MYO5B: variants seen among roughly 807,000 people sequenced by gnomAD.
MYO5B encodes the protein unconventional myosin-Vb.
Under a neutral mutation model 229.3 loss-of-function variants are expected in MYO5B, and 143 were observed. The ratio of observed to expected loss-of-function variants is 0.62; its 90% CI spans 0.54 to 0.72. The LOEUF is 0.72. MYO5B is among the 30% of genes least tolerant of loss of function. The probability of loss-of-function intolerance (pLI) is 0.00; values close to 1 mark genes in which losing one functional copy is unlikely to be tolerated. For synonymous variants in MYO5B, 918 were observed against 885.2 expected (o/e 1.04, Z -0.66); for missense variants, 2,321 against 2,331.0 (o/e 1.00, Z 0.09).
At chr18:50,001,687 C>G (rs2026048989) in intron 4 of MYO5B, among the ~76,000 whole-genome samples, 1 of 152,188 alleles carries the variant, frequency 6.6e-6, no homozygotes, top group South Asian at 2.1e-4. Context: ...CGAGTTCCCA[C>G]TGGGTGCAGT....
chr18:49,907,054 A>G (rs78973859), intron 18 of MYO5B, among the ~76,000 whole-genome samples: 8,320 of 152,226 alleles, frequency 0.055, 585 homozygotes, highest in African/African-American at 0.16. Flanking sequence ...CAACCACAGA[A>G]AAGAAGGAAG....
intron 17 of MYO5B, among the ~76,000 whole-genome samples, chr18:49,928,042 G>A (rs1790776): frequency 0.8 from 121,136 of 151,784 alleles, 48,456 homozygotes; most frequent in East Asian, 0.95. Flanking sequence ...AAGTAGCACA[G>A]AAAAAAAACC....
chr18:50,184,520 T>C (rs2033119623), intron 1 of MYO5B, among the ~76,000 whole-genome samples: 1 of 152,154 alleles, frequency 6.6e-6, no homozygotes, highest in South Asian at 2.1e-4. Flanking sequence ...GCCAGGCAGC[T>C]TTGGGAAAGT....
chr18:49,841,034 G>C (rs1291309080), intron 35 of MYO5B, among the ~76,000 whole-genome samples: 1 of 152,342 alleles, frequency 6.6e-6, no homozygotes, highest in East Asian at 1.9e-4. Context: ...CTGCAGTGGG[G>C]CTTCTAGAGC....
At chr18:50,155,431 T>C (rs887971348) in intron 1 of MYO5B, among the ~76,000 whole-genome samples, 1 of 152,206 alleles carries the variant, frequency 6.6e-6, no homozygotes, top group South Asian at 2.1e-4. Context: ...TGGTAATCCT[T>C]GAGTAAAAGA....
intron 1 of MYO5B, among the ~76,000 whole-genome samples, chr18:50,121,426 A>G (rs1429641219): frequency 6.6e-6 from 1 of 152,246 alleles, no homozygotes; most frequent in East Asian, 1.9e-4. Context: ...TGTCTTTCTA[A>G]ACAAACTTAG....
rs139924389 is a variant in MYO5B, at chr18:50,046,717, C to T, written c.139-6403G>A. The stretch of plus-strand genomic sequence containing the variant: ...AGGTTGTTTTGTGCTATGTCCTAGA[C>T]AAGCACAAAAAAACACAAACAAGAT... On this transcript the variant is annotated intron_variant, in intron 2 of 39. Transcript: ENST00000285039. Among the ~76,000 whole-genome samples, 521 of 152,176 alleles carry T rather than the reference C, an allele frequency of 3.4e-3. 8 individuals are homozygous for T. Among genetic ancestry groups the T allele is most frequent in the Non-Finnish European group, 7.6e-4 (52 of 68,014 alleles).
chr18:49,874,948 T>TA (rs1179692463), intron 26 of MYO5B, among the ~76,000 whole-genome samples: 2 of 152,244 alleles, frequency 1.3e-5, no homozygotes, highest in South Asian at 2.1e-4. Flanking sequence ...TGTTATTTTT[T>TA]ACTTTTCACC....
chr18:49,848,989 G>C (rs996762970), intron 32 of MYO5B, among the ~76,000 whole-genome samples: 5 of 151,964 alleles, frequency 3.3e-5, no homozygotes, highest in Non-Finnish European at 7.4e-5. Context: ...TGAGCTGAGG[G>C]TGGAAGGATG....
At chr18:49,983,193 C>G (rs1390753889) in intron 8 of MYO5B, among the ~76,000 whole-genome samples, 2 of 152,198 alleles carry the variant, frequency 1.3e-5, no homozygotes, top group African/African-American at 4.8e-5. Context: ...AAACATTTCT[C>G]CTTTGCCTAC....
At chr18:50,121,968 TC>T (rs753226062) in intron 1 of MYO5B, among the ~76,000 whole-genome samples, 36 of 152,288 alleles carry the variant, frequency 2.4e-4, no homozygotes, top group Non-Finnish European at 3.7e-4. Flanking sequence ...TTTTCCTACT[TC>T]CAAGATTCAC....
chr18:49,891,928 C>T (rs182968646), intron 22 of MYO5B, among the ~76,000 whole-genome samples: 1 of 152,224 alleles, frequency 6.6e-6, no homozygotes, highest in Non-Finnish European at 1.5e-5. Flanking sequence ...CTCACAAGGA[C>T]CAGGGACCCC....
rs1450105049 is a variant in MYO5B, at chr18:49,880,364, T to C, written c.3130+7A>G. On this transcript the variant is annotated splice_region_variant and intron_variant, in intron 23 of 39. Transcript: ENST00000285039. ...CCCAAATAAAACTCAAGTGCTTTGG[T>C]ACTTACCTTTAGACTGGCACAGGAT... 6.2e-7 allele frequency: 1 copy of C among 1,611,894 alleles called. No homozygotes were observed. The highest frequency in any genetic ancestry group is 1.1e-5 in the South Asian group (1 of 91,040).
chr18:49,907,021 A>G (rs2024907404), intron 18 of MYO5B, among the ~76,000 whole-genome samples: 1 of 152,226 alleles, frequency 6.6e-6, no homozygotes, highest in Admixed American at 6.5e-5. Context: ...AGCTGAGCAA[A>G]GACCTAAATG....
chr18:50,189,175 C>G (rs966103298), intron 1 of MYO5B, among the ~76,000 whole-genome samples: 3 of 152,184 alleles, frequency 2.0e-5, no homozygotes, highest in African/African-American at 7.2e-5. Flanking sequence ...CTAAGCTAAG[C>G]CACCATGAGT....
intron 39 of MYO5B, among the ~76,000 whole-genome samples, chr18:49,834,182 T>C (rs750846218): frequency 2.0e-5 from 3 of 151,978 alleles, no homozygotes; most frequent in Non-Finnish European, 4.4e-5. Flanking sequence ...ATCCCAGGAG[T>C]ATTCCAAAGG....
At position 49,951,472 on chromosome 18, in the gene MYO5B, C is replaced by G. The variant is rs375351498; in HGVS notation, c.1752+1788G>C. On this transcript the variant is annotated intron_variant, in intron 14 of 39. Coordinates refer to ENST00000285039, the MANE Select transcript of MYO5B (RefSeq NM_001080467.3). ...TACATGTGTCGGTTACCACTATATA[C>G]TACACAAATATTCAATAAAGCTGAT... 1.9e-4 allele frequency among the ~76,000 whole-genome samples: 29 copies of G among 152,198 alleles called. 1 individual carries two copies. The Middle Eastern group carries it at 0.017, about 89-fold the overall frequency.
intron 1 of MYO5B, among the ~76,000 whole-genome samples, chr18:50,168,112 A>G (rs1199871461): frequency 2.0e-5 from 3 of 152,222 alleles, no homozygotes; most frequent in African/African-American, 7.2e-5. Flanking sequence ...CTGCATTGAT[A>G]GATTGCTAAT....
chr18:49,928,924 G>A (rs983115867), intron 17 of MYO5B, among the ~76,000 whole-genome samples: 11 of 152,226 alleles, frequency 7.2e-5, no homozygotes, highest in Non-Finnish European at 1.2e-4. Context: ...CTATGAGGAC[G>A]CAAAGGCATA....
Sources: allele counts gnomAD v4.1 joint callset (sites outside exome capture counted in the v4.1 genomes callset), GRCh38; gene constraint gnomAD v4.1.1; transcripts MANE v1.5; gene names NCBI Gene and HGNC (gene_info 2026-07-23, HGNC 2026-07-21).